The following EMC8 variants were observed in gnomAD, a reference collection of about 807,000 sequenced individuals.
The protein encoded by EMC8 is COX4 neighbor.
A neutral mutation model predicts 24.3 loss-of-function variants in EMC8; 11 were observed. The observed-to-expected ratio is 0.45, with a 90% confidence interval of 0.28 to 0.75. The LOEUF (loss-of-function observed/expected upper bound fraction) is 0.75. Among genes scored for constraint, EMC8 ranks in the 30% least tolerant of loss-of-function variants. The pLI is 0.12. For missense variants in EMC8, 277 were observed against 282.7 expected (o/e 0.98, Z 0.14); for synonymous variants, 145 against 117.7 (o/e 1.23, Z -1.50).
At chr16:85,786,103 A>G (rs997958428) in intron 2 of EMC8, among the ~76,000 whole-genome samples, 2 of 152,236 alleles carry the variant, frequency 1.3e-5, no homozygotes, top group South Asian at 4.1e-4. Context: ...TAAACCAAGC[A>G]CAAGGACAAA....
chr16:85,783,385 C>T (rs575671761), intron 2 of EMC8, among the ~76,000 whole-genome samples: 3 of 152,306 alleles, frequency 2.0e-5, no homozygotes, highest in East Asian at 1.9e-4. Context: ...CCACAAACTC[C>T]GGGTCTCAAT....
intron 2 of EMC8, among the ~76,000 whole-genome samples, chr16:85,785,744 T>G (rs1358413594): frequency 6.6e-6 from 1 of 152,150 alleles, no homozygotes; most frequent in Admixed American, 6.5e-5. Context: ...AACTCCTTGT[T>G]CCTAGGAAGA....
chr16:85,798,753 C>A (rs959708101), intron 1 of EMC8: 2 of 340,252 alleles, frequency 5.9e-6, no homozygotes, highest in Non-Finnish European at 1.1e-5. Context: ...GAAACTCTGT[C>A]GAATCCCCAC....
chr16:85,797,184 T>G (rs930660529), intron 1 of EMC8, among the ~76,000 whole-genome samples: 2 of 152,122 alleles, frequency 1.3e-5, no homozygotes, highest in African/African-American at 4.8e-5. Flanking sequence ...GAGGTGGCCG[T>G]ATTACTTGAG....
intron 2 of EMC8, among the ~76,000 whole-genome samples, chr16:85,783,323 C>T (rs963371518): frequency 2.6e-5 from 4 of 152,138 alleles, no homozygotes; most frequent in South Asian, 2.1e-4. Context: ...GACAGAGTCT[C>T]GCTTCGTTGC....
chr16:85,791,627 C>A (rs964149800), intron 1 of EMC8, among the ~76,000 whole-genome samples: 1 of 152,228 alleles, frequency 6.6e-6, no homozygotes, highest in African/African-American at 2.4e-5. Flanking sequence ...TTTTATCTTA[C>A]TGGTCAGAAG....
At position 85,780,462 on chromosome 16, in the gene EMC8, G is replaced by C; in HGVS notation, c.390C>G (p.Thr130=). The change falls in exon 4 of 5, where the codon ACC becomes ACG. Residue 130 remains threonine (T), a synonymous_variant. Coordinates refer to ENST00000253457, the MANE Select transcript of EMC8 (RefSeq NM_006067.5). The part of the protein sequence containing the change: ...SDTALIMVDN[T]KFTMDCVAPT... ...GCGCTACGCAGTCCATCGTAAACTT[G>C]GTGTTGTCTACCTGAGCACAAGGCA... 1 of 1,613,650 alleles carries C rather than the reference G, an allele frequency of 6.2e-7. No homozygotes were observed. Among genetic ancestry groups the C allele is most frequent in the Non-Finnish European group, 8.5e-7 (1 of 1,179,658 alleles).
In EMC8 at chr16:85,799,266, G is replaced by A; in HGVS notation, c.30C>T (p.Ala10=). 1 of 1,610,934 alleles carries A rather than the reference G, an allele frequency of 6.2e-7. No individual in the cohort carries two copies. The highest frequency in any genetic ancestry group is 8.5e-7 in the Non-Finnish European group (1 of 1,179,554). MPGVKLTTQ[A]YCKMVLHGAK... is the part of the protein sequence containing the mutation. ...CGCCGTGCAGCACCATCTTGCAGTA[G>A]GCCTGGGTGGTCAGTTTCACCCCGG... is the stretch of plus-strand genomic sequence containing the variant. The change falls in exon 1 of 5, where the codon GCC becomes GCT. Residue 10 remains alanine (A), a synonymous_variant. Coordinates refer to ENST00000253457, the MANE Select transcript of EMC8 (RefSeq NM_006067.5). The surrounding 1 kb of genome is among the most constrained non-coding windows in gnomAD (Gnocchi z 4.2).
chr16:85,782,694 T>C (rs1158792094), intron 2 of EMC8, among the ~76,000 whole-genome samples: 1 of 152,152 alleles, frequency 6.6e-6, no homozygotes, highest in Non-Finnish European at 1.5e-5. Context: ...ACCCATTCCC[T>C]TGCAGAGCAG....
At chr16:85,796,283 C>A (rs1433365104) in intron 1 of EMC8, among the ~76,000 whole-genome samples, 4 of 152,194 alleles carry the variant, frequency 2.6e-5, no homozygotes, top group African/African-American at 9.7e-5. Flanking sequence ...AGCGCACAAG[C>A]CAGGAACCTA....
intron 1 of EMC8, among the ~76,000 whole-genome samples, chr16:85,798,080 C>G (rs1397363969): frequency 6.8e-6 from 1 of 147,254 alleles, no homozygotes; most frequent in Non-Finnish European, 1.5e-5. Context: ...TTGGACAGAT[C>G]GTCTGCTCCT....
chr16:85,793,686 G>A (rs1028068963), intron 1 of EMC8, among the ~76,000 whole-genome samples: 43 of 152,330 alleles, frequency 2.8e-4, no homozygotes, highest in African/African-American at 8.9e-4. Context: ...TCATGGTGAT[G>A]AGGCCAGTGA....
chr16:85,788,359 A>G (rs1234960767), intron 2 of EMC8, among the ~76,000 whole-genome samples: 1 of 152,258 alleles, frequency 6.6e-6, no homozygotes, highest in East Asian at 1.9e-4. Context: ...TCTACGGCCC[A>G]GGCCTTGTCA....
rs1249650803 is a variant in EMC8, at chr16:85,779,055, A to G, written c.*653T>C. On this transcript the variant is annotated 3_prime_UTR_variant, in exon 5 of 5. Coordinates refer to ENST00000253457, the MANE Select transcript of EMC8 (RefSeq NM_006067.5). ...CACCACACTGAGCTCCTGCTACCAG[A>G]GATGTCTGCTTTTGCCCCTAACGAT... 1 of 152,234 alleles carries G rather than the reference A, an allele frequency of 6.6e-6. No individual in the cohort carries two copies. The highest frequency in any genetic ancestry group is 1.5e-5 in the Non-Finnish European group (1 of 68,062). 9.4% of individuals were successfully genotyped at this position (152,234 alleles called of 1,614,324 possible).
At chr16:85,784,711 G>C (rs892971923) in intron 2 of EMC8, 34 of 152,300 alleles carry the variant, frequency 2.2e-4, no homozygotes, top group African/African-American at 7.9e-4. Context: ...TGAAGAGTGG[G>C]TACAGAGCCC....
At chr16:85,781,670 T>A (rs189913330) in intron 2 of EMC8, 1 of 185,726 alleles carries the variant, frequency 5.4e-6, no homozygotes, top group African/African-American at 2.4e-5. Flanking sequence ...CACACTGGTC[T>A]TCAACTCCTG....
At chr16:85,780,226 TG>T (rs1184138330) in intron 4 of EMC8, 152 bp downstream of exon 4, 8 of 650,750 alleles carry the variant, frequency 1.2e-5, no homozygotes, top group Non-Finnish European at 1.9e-5. Flanking sequence ...CTGGAAGCGC[TG>T]GAACACTGGG....
rs1451390629 is a variant in EMC8 at position 85,799,004 on chromosome 16, C to G, written c.231+61G>C. 1 of 1,227,826 alleles carries G rather than the reference C, an allele frequency of 8.1e-7. No individual in the cohort carries two copies. The highest frequency in any genetic ancestry group is 1.1e-6 in the Non-Finnish European group (1 of 878,084). 76.1% of individuals were successfully genotyped at this position (1,227,826 alleles called of 1,614,324 possible). A position where few individuals can be genotyped will look rare whatever the true frequency, so the allele number is the denominator to read the frequency against. Reference sequence around the variant, plus strand: ...AGGGCGACCGCTGGGCCAGCTTCCTCTCTGCTGACTGAGGGGAGGCCAGGC... The same window carrying G: ...AGGGCGACCGCTGGGCCAGCTTCCTGTCTGCTGACTGAGGGGAGGCCAGGC... On this transcript the variant is annotated intron_variant, in intron 1 of 4. Transcript: ENST00000253457. This position sits in a 1 kb window ranked among gnomAD's most constrained non-coding sequence, Gnocchi z 4.2.
At chr16:85,788,758 G>A (rs934606865) in intron 2 of EMC8, 6 of 573,466 alleles carry the variant, frequency 1.0e-5, no homozygotes, top group East Asian at 9.0e-5. Context: ...AAATAAAGAA[G>A]ACACAAAACA....
Sources: allele counts gnomAD v4.1 joint callset (sites outside exome capture counted in the v4.1 genomes callset), GRCh38; gene constraint gnomAD v4.1.1; non-coding constraint Gnocchi (gnomAD v3.1); transcripts MANE v1.5; gene names NCBI Gene and HGNC (gene_info 2026-07-23, HGNC 2026-07-21).